Variants in REV1 observed in about 807,000 individuals in gnomAD.
The protein encoded by REV1 is REV1 DNA directed polymerase.
REV1 carries 42 observed loss-of-function variants against 137.4 expected under a neutral mutation model. The observed-to-expected ratio is 0.31, with a 90% CI of 0.24 to 0.40. REV1 has a LOEUF of 0.40. Ranked by LOEUF, REV1 falls within the 10% of genes least tolerant of loss-of-function variation. REV1 has a pLI of 1.00. For missense variants in REV1, 1,282 were observed against 1,490.1 expected (o/e 0.86, Z 2.30); for synonymous variants, 524 against 519.2 (o/e 1.01, Z -0.12).
chr2:99,423,068 A>C (rs532413946), intron 10 of REV1, among the ~76,000 whole-genome samples: 1 of 152,316 alleles, frequency 6.6e-6, no homozygotes, highest in South Asian at 2.1e-4. Context: ...GTGTTAATAG[A>C]ATAGCTATAA....
At chr2:99,437,830 C>T (rs975419143) in intron 6 of REV1, among the ~76,000 whole-genome samples, 31 of 152,192 alleles carry the variant, frequency 2.0e-4, no homozygotes, top group Non-Finnish European at 3.7e-4. Flanking sequence ...ACTAAAAGCA[C>T]ATAGGAATAC....
At position 99,400,980 on chromosome 2, in the gene REV1, ACACTT is replaced by A. The variant is rs773764735; in HGVS notation, c.*256_*260del. 3.9e-6 allele frequency: 1 copy of A among 258,992 alleles called. No individual in the cohort carries two copies. Among genetic ancestry groups the A allele is most frequent in the African/African-American group, 2.2e-5 (1 of 45,476 alleles). The allele number at this position is 258,992 out of a possible 1,614,324, so 16.0% of individuals were successfully genotyped here. A position where few individuals can be genotyped will look rare whatever the true frequency, so the allele number is the denominator to read the frequency against. Reference sequence around the variant, plus strand: ...ACAGTTCTTTATTAAACAACTGTAAACACTTCACTGTAAAAATCCATAAAACTTTA... The same window carrying A: ...ACAGTTCTTTATTAAACAACTGTAAACACTGTAAAAATCCATAAAACTTTA... On this transcript the variant is annotated 3_prime_UTR_variant, in exon 23 of 23. Coordinates refer to ENST00000258428, the MANE Select transcript of REV1 (RefSeq NM_016316.4).
chr2:99,402,190 C>A, intron 22 of REV1, 54 bp downstream of exon 22: 1 of 734,428 alleles, frequency 1.4e-6, no homozygotes, highest in Non-Finnish European at 2.3e-6. Flanking sequence ...AGTACACCCT[C>A]AGCCATTGTG....
intron 9 of REV1, among the ~76,000 whole-genome samples, chr2:99,428,727 G>T (rs542244549): frequency 2.6e-4 from 40 of 152,284 alleles, no homozygotes; most frequent in African/African-American, 9.4e-4. Flanking sequence ...CAGGCACAGT[G>T]GCTCACGCCT....
chr2:99,416,780 G>T (rs992209629), intron 12 of REV1, among the ~76,000 whole-genome samples: 1 of 151,834 alleles, frequency 6.6e-6, no homozygotes, highest in Non-Finnish European at 1.5e-5. Flanking sequence ...CGGCTGTGTG[G>T]TGGGTGCCTG....
intron 22 of REV1, 92 bp from the exon 23 acceptor site, chr2:99,401,444 A>G: frequency 5.9e-6 from 1 of 168,662 alleles, no homozygotes; most frequent in Non-Finnish European, 9.6e-6. Flanking sequence ...TGACTTTGGC[A>G]AAAAAAAAAA....
intron 1 of REV1, among the ~76,000 whole-genome samples, chr2:99,466,163 G>T (rs1051951534): frequency 1.3e-5 from 2 of 152,168 alleles, no homozygotes; most frequent in African/African-American, 4.8e-5. Flanking sequence ...ATGTGAGCCA[G>T]GATGGTCTCC....
intron 4 of REV1, among the ~76,000 whole-genome samples, chr2:99,446,853 TCTC>T (rs754699323): frequency 6.6e-6 from 1 of 151,894 alleles, no homozygotes; most frequent in Non-Finnish European, 1.5e-5. Flanking sequence ...TCCCCTCAAC[TCTC>T]CTCCTGTCCA....
chr2:99,474,626 G>A (rs1685769107), intron 1 of REV1, among the ~76,000 whole-genome samples: 1 of 152,196 alleles, frequency 6.6e-6, no homozygotes. Context: ...CAGAAGTCGG[G>A]AGCGATGGCT....
At position 99,438,605 on chromosome 2, in the gene REV1, G is replaced by A; in HGVS notation, c.1209C>T (p.Asp403=). 1 of 1,607,660 alleles carries A rather than the reference G, an allele frequency of 6.2e-7. No homozygotes were observed. Among genetic ancestry groups the A allele is most frequent in the Non-Finnish European group, 8.5e-7 (1 of 1,175,278 alleles). ...ACAATTTTAATAAGTATCTACCTGT[G>A]TCAGTTACAACAAGTGCAGACCTGC... is the stretch of plus-strand genomic sequence containing the variant. The part of the protein sequence containing the change: ...KTGRSALVVT[D]TGDMSVLNSP... Residue 403 remains aspartate, a synonymous_variant, in exon 6 of 23, where the codon GAC becomes GAT. Coordinates refer to ENST00000258428, the MANE Select transcript of REV1 (RefSeq NM_016316.4).
chr2:99,403,488 G>A (rs1675807347), intron 19 of REV1: 4 of 658,866 alleles, frequency 6.1e-6, no homozygotes, highest in South Asian at 2.2e-5. Context: ...AAAAAGTGGT[G>A]TGTTTAAATC....
chr2:99,449,645 G>C (rs1453592571), intron 3 of REV1, 141 bp from the exon 4 acceptor site: 1 of 421,714 alleles, frequency 2.4e-6, no homozygotes, highest in East Asian at 3.6e-5. Context: ...AACAAAGCTG[G>C]GAGGTAAATC....
chr2:99,404,322 T>TCCCCTCCCCC, intron 18 of REV1, 122 bp downstream of exon 18: 1 of 452,494 alleles, frequency 2.2e-6, no homozygotes, highest in Non-Finnish European at 4.1e-6. Context: ...TCCCCTCCCC[T>TCCCCTCCCCC]CCCCTCCCCA....
At chr2:99,451,353 T>C (rs1682903947) in intron 3 of REV1, 1 of 1,275,414 alleles carries the variant, frequency 7.8e-7, no homozygotes, top group African/African-American at 1.5e-5. Flanking sequence ...ACCCGTCTAC[T>C]AGCTGCTCTT....
intron 6 of REV1, chr2:99,436,833 T>C (rs28382892): frequency 0.13 from 19,699 of 152,134 alleles, 1,522 homozygotes; most frequent in East Asian, 0.25. Flanking sequence ...TCTGATCTCA[T>C]AAAGGAGTTT....
chr2:99,421,086 G>A (rs953254374), intron 11 of REV1, among the ~76,000 whole-genome samples: 4 of 152,278 alleles, frequency 2.6e-5, no homozygotes, highest in Non-Finnish European at 5.9e-5. Context: ...TGGAGTCAGG[G>A]TGACTTCTAG....
chr2:99,442,971 C>A (rs776936205), intron 4 of REV1, among the ~76,000 whole-genome samples: 1 of 152,202 alleles, frequency 6.6e-6, no homozygotes, highest in Admixed American at 6.5e-5. Context: ...CCATGTACAT[C>A]CTCACAGCAT....
intron 12 of REV1, among the ~76,000 whole-genome samples, chr2:99,418,336 C>T (rs1678175480): frequency 6.6e-6 from 1 of 152,008 alleles, no homozygotes; most frequent in Admixed American, 6.6e-5. Context: ...TAATTGAAAA[C>T]ACAATCCTTC....
At chr2:99,462,772 A>T (rs531440414) in intron 2 of REV1, 150 bp from the exon 3 acceptor site, 1 of 758,690 alleles carries the variant, frequency 1.3e-6, no homozygotes, top group Non-Finnish European at 2.1e-6. Context: ...AACATAAACC[A>T]TAAGGCAAGG....
Sources: gnomAD v4.1 joint callset for allele counts (sites outside exome capture counted in the v4.1 genomes callset) on GRCh38, gnomAD v4.1.1 for gene constraint, MANE v1.5 for transcripts, NCBI Gene and HGNC (gene_info 2026-07-23, HGNC 2026-07-21) for gene names.